NREP: variants seen among roughly 807,000 people sequenced by gnomAD.
The protein encoded by NREP is neuronal regeneration related protein.
In NREP, 5 loss-of-function variants were observed where a neutral mutation model predicts 8.6. The ratio of observed to expected loss-of-function variants is 0.58; its 90% CI spans 0.30 to 1.22. The LOEUF (loss-of-function observed/expected upper bound fraction) is 1.22, where lower values mean the gene tolerates loss of function less well. NREP is among the 50% of genes most tolerant of loss of function. The pLI is 0.07. For synonymous variants in NREP, 27 were observed against 28.0 expected, an observed-to-expected ratio of 0.96 and a Z score of 0.11; for missense variants, 86 against 82.5, an observed-to-expected ratio of 1.04 and a Z score of -0.17.
intron 2 of NREP, among the ~76,000 whole-genome samples, chr5:111,900,177 A>C (rs1561717686): frequency 1.3e-5 from 2 of 152,126 alleles, no homozygotes; most frequent in Admixed American, 6.5e-5. Flanking sequence ...GAAATTAAGC[A>C]ACATGCTCAT....
chr5:111,901,439 A>T (rs150472104), intron 2 of NREP, among the ~76,000 whole-genome samples: 1 of 152,260 alleles, frequency 6.6e-6, no homozygotes, highest in African/African-American at 2.4e-5. Context: ...GCCCACTTTC[A>T]GCACTCTTAT....
At chr5:111,757,228 T>TC (rs1750772738), upstream of NREP, 1 of 229,166 alleles carries the variant, frequency 4.4e-6, no homozygotes, top group African/African-American at 2.5e-4. Flanking sequence ...GAAAGACAGA[T>TC]TGGGGGGGGA....
At chr5:111,752,088 ATATTTTCCTATTT>A (rs1750396797) in intron 2 of NREP, among the ~76,000 whole-genome samples, 1 of 152,226 alleles carries the variant, frequency 6.6e-6, no homozygotes, top group South Asian at 2.1e-4. Context: ...TTTTAGAAGT[ATATTTTCCTATTT>A]TAGAAGTAGT....
At chr5:111,901,278 A>C (rs1754640144) in intron 2 of NREP, among the ~76,000 whole-genome samples, 1 of 152,144 alleles carries the variant, frequency 6.6e-6, no homozygotes, top group Non-Finnish European at 1.5e-5. Flanking sequence ...TTAGAAGAAA[A>C]AGTAATTGAA....
intron 2 of NREP, among the ~76,000 whole-genome samples, chr5:111,796,673 CAATG>C (rs869134868): frequency 2.2e-5 from 3 of 139,062 alleles, no homozygotes; most frequent in Admixed American, 1.4e-4. Context: ...GAATATTTGG[CAATG>C]AATGAGTAAG....
intron 2 of NREP, among the ~76,000 whole-genome samples, chr5:111,878,249 T>C (rs1002153223): frequency 7.9e-5 from 12 of 152,322 alleles, no homozygotes; most frequent in Middle Eastern, 3.4e-3. Flanking sequence ...TTGCTATAAC[T>C]GCCCAAGACT....
chr5:111,778,170 A>G (rs760837568), intron 2 of NREP, among the ~76,000 whole-genome samples: 82 of 152,166 alleles, frequency 5.4e-4, no homozygotes, highest in Admixed American at 2.6e-4. Flanking sequence ...TTGCTTGCCA[A>G]TCTCCAGCCA....
chr5:111,809,870 CGT>C (rs3223253), intron 2 of NREP, among the ~76,000 whole-genome samples: 31,280 of 143,350 alleles, frequency 0.22, 3,431 homozygotes, highest in Non-Finnish European at 0.25. Flanking sequence ...GGGACTTTGG[CGT>C]GTGTGTGTGT....
At chr5:111,810,659 A>G (rs1023248296) in intron 2 of NREP, among the ~76,000 whole-genome samples, 5 of 152,212 alleles carry the variant, frequency 3.3e-5, no homozygotes, top group Admixed American at 6.5e-5. Flanking sequence ...TAGAACCACA[A>G]TACAGCTTCT....
intron 2 of NREP, among the ~76,000 whole-genome samples, chr5:111,958,457 A>C (rs1296143715): frequency 6.6e-6 from 1 of 152,052 alleles, no homozygotes; most frequent in East Asian, 1.9e-4. Flanking sequence ...AGTGTTTTAA[A>C]ACTAAGAGGA....
intron 2 of NREP, among the ~76,000 whole-genome samples, chr5:111,773,960 C>T (rs992074611): frequency 2.6e-5 from 4 of 152,142 alleles, no homozygotes; most frequent in East Asian, 1.9e-4. Flanking sequence ...GGCTCTTACC[C>T]GTGGGGGAGG....
chr5:111,762,177 CAGG>C (rs1750974994), upstream of NREP, among the ~76,000 whole-genome samples: 1 of 152,086 alleles, frequency 6.6e-6, no homozygotes, highest in East Asian at 1.9e-4. Context: ...TCAGAAAGCA[CAGG>C]AGATTAGCTG....
intron 2 of NREP, among the ~76,000 whole-genome samples, chr5:111,880,753 T>C (rs1754035094): frequency 1.1e-5 from 1 of 87,122 alleles, no homozygotes. Flanking sequence ...TTTTTTTTTT[T>C]TGAGACAGGG....
At chr5:111,954,672 C>T (rs1335514256) in intron 2 of NREP, among the ~76,000 whole-genome samples, 1 of 151,984 alleles carries the variant, frequency 6.6e-6, no homozygotes, top group Non-Finnish European at 1.5e-5. Flanking sequence ...GGGTAGGGAA[C>T]AGAGATACAA....
At chr5:111,976,876 C>T (rs764696211) in exon 1 of NREP, 4 of 632,146 alleles carry the variant, frequency 6.3e-6, no homozygotes, top group Non-Finnish European at 1.1e-5. Context: ...TGATAAATAG[C>T]ATGATTGCAC....
chr5:111,736,479 A>T (rs1009853584), intron 2 of NREP, among the ~76,000 whole-genome samples: 6 of 152,202 alleles, frequency 3.9e-5, no homozygotes, highest in African/African-American at 1.4e-4. Context: ...ACAACAATTA[A>T]GAGTCACACC....
chr5:111,925,971 G>A (rs1755372604), intron 2 of NREP, among the ~76,000 whole-genome samples: 1 of 152,092 alleles, frequency 6.6e-6, no homozygotes, highest in Non-Finnish European at 1.5e-5. Context: ...GAATTTTTCT[G>A]CTGCCTGCAG....
chr5:111,800,398 A>C (rs1030683150), intron 2 of NREP, among the ~76,000 whole-genome samples: 2 of 152,256 alleles, frequency 1.3e-5, no homozygotes, highest in Non-Finnish European at 2.9e-5. Flanking sequence ...CTTCATGGGC[A>C]TGCCACTTGT....
chr5:111,845,558 G>C (rs1262318062), intron 2 of NREP, among the ~76,000 whole-genome samples: 1 of 152,112 alleles, frequency 6.6e-6, no homozygotes, highest in Non-Finnish European at 1.5e-5. Flanking sequence ...AATGTAAAAA[G>C]TCATGCGTTA....
Sources: gnomAD v4.1 joint callset for allele counts (sites outside exome capture counted in the v4.1 genomes callset) on GRCh38, gnomAD v4.1.1 for gene constraint, MANE v1.5 for transcripts, NCBI Gene and HGNC (gene_info 2026-07-23, HGNC 2026-07-21) for gene names.